TLN2: variants seen among roughly 807,000 people sequenced by gnomAD.
The protein encoded by TLN2 is talin-2.
A neutral mutation model predicts 294.7 loss-of-function variants in TLN2; 118 were observed. That is an observed-to-expected ratio of 0.40 (90% CI 0.34 to 0.47). The LOEUF (loss-of-function observed/expected upper bound fraction) is 0.47. Ranked by LOEUF, TLN2 falls within the 20% of genes least tolerant of loss-of-function variation. The pLI, the probability that TLN2 is intolerant of heterozygous loss-of-function variation, is 0.84. For synonymous variants in TLN2, 1,431 were observed against 1,304.5 expected, an observed-to-expected ratio of 1.10 and a Z score of -2.09; for missense variants, 3,083 against 3,282.2, an observed-to-expected ratio of 0.94 and a Z score of 1.48.
intron 1 of TLN2, among the ~76,000 whole-genome samples, chr15:62,556,055 G>A (rs2042587791): frequency 1.3e-5 from 2 of 151,382 alleles, no homozygotes; most frequent in Admixed American, 1.3e-4. Context: ...TACAAACTGA[G>A]GAAGAATTGT....
chr15:62,702,745 A>C (rs780944925), intron 18 of TLN2, 21 bp from the exon 19 acceptor site: 1 of 1,611,964 alleles, frequency 6.2e-7, no homozygotes, highest in Admixed American at 1.7e-5. Flanking sequence ...TTTCCAATTA[A>C]GGTGTGTTGT....
intron 50 of TLN2, 56 bp downstream of exon 50, chr15:62,800,825 T>C (rs2065884776): frequency 1.4e-6 from 2 of 1,460,962 alleles, no homozygotes; most frequent in South Asian, 2.4e-5. Context: ...CTGACCCCAG[T>C]GAGGGCTCAT....
chr15:62,837,832 G>A (rs2069935562), intron 57 of TLN2, among the ~76,000 whole-genome samples: 1 of 152,148 alleles, frequency 6.6e-6, no homozygotes, highest in African/African-American at 2.4e-5. Context: ...AGTTTGCATT[G>A]GTCACTTTAG....
intron 3 of TLN2, among the ~76,000 whole-genome samples, chr15:62,631,110 G>A (rs2049772340): frequency 6.6e-6 from 1 of 152,006 alleles, no homozygotes; most frequent in African/African-American, 2.4e-5. Context: ...ATCCCCAAAA[G>A]CAAAATAGAC....
chr15:62,504,783 A>T (rs138450256), intron 1 of TLN2, among the ~76,000 whole-genome samples: 248 of 151,232 alleles, frequency 1.6e-3, no homozygotes, highest in African/African-American at 5.9e-3. Flanking sequence ...CTGAGAGGGT[A>T]ACAGGAAGAA....
chr15:62,399,385 G>A (rs921667049), intron 1 of TLN2, among the ~76,000 whole-genome samples: 2 of 151,982 alleles, frequency 1.3e-5, no homozygotes, highest in Non-Finnish European at 1.5e-5. Context: ...TGTGGGGTCG[G>A]AACCCCCACA....
chr15:62,555,084 G>T (rs2042534396), intron 1 of TLN2, among the ~76,000 whole-genome samples: 1 of 151,582 alleles, frequency 6.6e-6, no homozygotes, highest in Non-Finnish European at 1.5e-5. Flanking sequence ...ATTTTTGTTT[G>T]TTTACTAGTG....
chr15:62,825,895 T>C (rs2068150987), intron 54 of TLN2, among the ~76,000 whole-genome samples: 2 of 123,434 alleles, frequency 1.6e-5, no homozygotes, highest in Non-Finnish European at 1.6e-5. Context: ...AAGTCAGGCA[T>C]GGTGGTGCAC....
Position 62,662,485 on chromosome 15 carries a change from A to T in TLN2, c.788+4587A>T, listed in dbSNP as rs1268166615. On this transcript the variant is annotated intron_variant, in intron 9 of 58. Coordinates refer to ENST00000636159, the MANE Select transcript of TLN2 (RefSeq NM_015059.3). The stretch of plus-strand genomic sequence containing the variant: ...AATTGAATATAGATGTCTTCCTCAC[A>T]AAAGTTGATCAAATATTAACTAAGT... 2.6e-5 allele frequency among the ~76,000 whole-genome samples: 4 copies of T among 152,236 alleles called. No homozygotes were observed. The East Asian group carries it at 7.7e-4, about 29-fold the overall frequency.
chr15:62,452,036 G>A lies in TLN2; in HGVS notation c.-238+61351G>A, dbSNP rs117716004. The stretch of plus-strand genomic sequence containing the variant: ...CAGAGACCATGCATCCTCCAGCCCC[G>A]AGGCTTTCCTGTCGCCTGTGGAGAC... On this transcript the variant is annotated intron_variant, in intron 1 of 58. Transcript: ENST00000636159. Among the ~76,000 whole-genome samples, 36 of 152,258 alleles carry A rather than the reference G, an allele frequency of 2.4e-4. 1 individual carries two copies. The East Asian group carries it at 4.7e-3, about 20-fold the overall frequency.
intron 2 of TLN2, among the ~76,000 whole-genome samples, chr15:62,598,099 C>T (rs1446222227): frequency 6.6e-6 from 1 of 152,188 alleles, no homozygotes; most frequent in Non-Finnish European, 1.5e-5. Flanking sequence ...GACTTGATGT[C>T]TTAGGCACCT....
intron 16 of TLN2, 94 bp downstream of exon 16, chr15:62,698,961 T>C (rs2058538282): frequency 1.7e-6 from 2 of 1,209,184 alleles, no homozygotes; most frequent in Middle Eastern, 1.9e-4. Flanking sequence ...TAAATTTCTA[T>C]CTCTAGGTGA....
At chr15:62,445,208 G>A (rs533889023) in intron 1 of TLN2, among the ~76,000 whole-genome samples, 109 of 152,294 alleles carry the variant, frequency 7.2e-4, no homozygotes, top group African/African-American at 2.5e-3. Context: ...CAGGCCTTCA[G>A]AGCAGTCGTT....
chr15:62,546,902 C>T (rs887768458), intron 1 of TLN2, among the ~76,000 whole-genome samples: 1 of 152,160 alleles, frequency 6.6e-6, no homozygotes, highest in African/African-American at 2.4e-5. Flanking sequence ...TTTCTGTTGC[C>T]AAGCCCTTGG....
intron 1 of TLN2, among the ~76,000 whole-genome samples, chr15:62,580,896 T>C (rs943571168): frequency 6.7e-6 from 1 of 150,030 alleles, no homozygotes; most frequent in Admixed American, 6.6e-5. Flanking sequence ...TTTTTTTTTC[T>C]TTTTGAGACA....
At chr15:62,571,499 A>T (rs1245900666) in intron 1 of TLN2, among the ~76,000 whole-genome samples, 2 of 152,180 alleles carry the variant, frequency 1.3e-5, no homozygotes, top group Non-Finnish European at 1.5e-5. Flanking sequence ...TTTTTTAAAA[A>T]CATGCTTTCA....
chr15:62,502,315 T>C (rs983005654), intron 1 of TLN2, among the ~76,000 whole-genome samples: 3 of 152,278 alleles, frequency 2.0e-5, no homozygotes, highest in Admixed American at 2.0e-4. Flanking sequence ...ATGGAGTTGC[T>C]AGAAAACAAA....
chr15:62,779,567 C>T (rs1389859042), intron 43 of TLN2, among the ~76,000 whole-genome samples: 1 of 152,220 alleles, frequency 6.6e-6, no homozygotes, highest in Non-Finnish European at 1.5e-5. Flanking sequence ...GTTAAAGGTT[C>T]TTTGGCTGGT....
intron 1 of TLN2, among the ~76,000 whole-genome samples, chr15:62,408,377 C>T (rs2033555067): frequency 6.6e-6 from 1 of 152,124 alleles, no homozygotes; most frequent in Non-Finnish European, 1.5e-5. Flanking sequence ...GGGCCCCAGC[C>T]CCAGAGATTT....
Sources: allele counts gnomAD v4.1 joint callset (sites outside exome capture counted in the v4.1 genomes callset), GRCh38; gene constraint gnomAD v4.1.1; transcripts MANE v1.5; gene names NCBI Gene and HGNC (gene_info 2026-07-23, HGNC 2026-07-21).